Variants in TEK observed in about 807,000 individuals in gnomAD.
TEK encodes TEK receptor tyrosine kinase.
Under a neutral mutation model 131.8 loss-of-function variants are expected in TEK, and 43 were observed. The observed-to-expected ratio is 0.33, with a 90% CI of 0.26 to 0.42. The LOEUF is 0.42. Among genes scored for constraint, TEK ranks in the 10% least tolerant of loss-of-function variants. TEK has a pLI of 1.00. For missense variants in TEK, 1,162 were observed against 1,384.4 expected, an observed-to-expected ratio of 0.84 and a Z score of 2.55; for synonymous variants, 580 against 491.6, an observed-to-expected ratio of 1.18 and a Z score of -2.38.
intron 1 of TEK, among the ~76,000 whole-genome samples, chr9:27,137,388 A>T (rs1026561052): frequency 6.6e-6 from 1 of 152,102 alleles, no homozygotes; most frequent in African/African-American, 2.4e-5. Context: ...GGGATTTTTG[A>T]TTTTTCACAT....
At chr9:27,112,452 T>C (rs1366527766) in intron 1 of TEK, among the ~76,000 whole-genome samples, 2 of 152,122 alleles carry the variant, frequency 1.3e-5, no homozygotes, top group African/African-American at 4.8e-5. Flanking sequence ...CTTCCAAGCA[T>C]TGTCTTTATT....
In TEK at chr9:27,181,835, CATATAA is replaced by C. The variant is rs571325131; in HGVS notation, c.1030+1476_1030+1481del. On this transcript the variant is annotated intron_variant, in intron 7 of 22. Coordinates refer to ENST00000380036, the MANE Select transcript of TEK (RefSeq NM_000459.5). ...AATAAATATGTATTGCTTTTTCAAT[CATATAA>C]ATATAAATGCCATTGAAATAAATAC... is the stretch of plus-strand genomic sequence containing the variant. Among the ~76,000 whole-genome samples, 18 of 152,244 alleles carry C rather than the reference CATATAA, an allele frequency of 1.2e-4. No individual in the cohort carries two copies. In the South Asian group the frequency reaches 3.5e-3, roughly 30 times the overall value.
rs189084243 is a variant in TEK at position 27,127,838 on chromosome 9, G to T, written c.52+18196G>T. Among the ~76,000 whole-genome samples, 117 of 152,234 alleles carry T rather than the reference G, an allele frequency of 7.7e-4. 1 individual carries two copies. In the East Asian group the frequency reaches 0.022, roughly 28 times the overall value. ...TGATGGGGTTGTTTGATTTTTTCTT[G>T]TAAATTTGTTGAAGTTCTTTGTAGA... is the stretch of plus-strand genomic sequence containing the variant. On this transcript the variant is annotated intron_variant, in intron 1 of 22. Transcript: ENST00000380036.
intron 13 of TEK, 106 bp downstream of exon 13, chr9:27,203,225 T>C: frequency 7.8e-7 from 1 of 1,274,500 alleles, no homozygotes; most frequent in Non-Finnish European, 1.1e-6. Flanking sequence ...AAGTCGGTGG[T>C]TGAATGGACA....
chr9:27,147,485 T>C (rs1822972979), intron 1 of TEK, among the ~76,000 whole-genome samples: 1 of 152,116 alleles, frequency 6.6e-6, no homozygotes, highest in Admixed American at 6.6e-5. Flanking sequence ...TGCAAGTCAT[T>C]TGCCAGATAT....
intron 11 of TEK, among the ~76,000 whole-genome samples, chr9:27,194,632 T>C (rs530186423): frequency 6.6e-6 from 1 of 152,174 alleles, no homozygotes; most frequent in East Asian, 1.9e-4. Flanking sequence ...ATGGAAAGTA[T>C]TTATGGAACA....
intron 21 of TEK, among the ~76,000 whole-genome samples, chr9:27,225,272 G>C (rs932135403): frequency 6.6e-6 from 1 of 152,130 alleles, no homozygotes; most frequent in Non-Finnish European, 1.5e-5. Flanking sequence ...AAAAGAGCCT[G>C]CATAGCCAAG....
At chr9:27,168,226 C>A (rs1437568429) in intron 2 of TEK, among the ~76,000 whole-genome samples, 2 of 152,154 alleles carry the variant, frequency 1.3e-5, no homozygotes, top group African/African-American at 2.4e-5. Context: ...ATCTCCCCAA[C>A]CACTGAATAG....
intron 15 of TEK, among the ~76,000 whole-genome samples, chr9:27,207,247 C>A (rs539916152): frequency 4.2e-4 from 64 of 152,290 alleles, no homozygotes; most frequent in Non-Finnish European, 6.8e-4. Context: ...GGTTTGGGGA[C>A]CACATTTTGC....
At position 27,216,751 on chromosome 9, in the gene TEK, C is replaced by T. The variant is rs1009111784; in HGVS notation, c.2992-937C>T. Among the ~76,000 whole-genome samples the T allele has an allele frequency of 1.1e-4, 16 of 152,294 alleles. No individual in the cohort carries two copies. In the South Asian group the frequency reaches 1.9e-3, roughly 18 times the overall value. ...TAGGGCAGGGCTGGTCTCATAAATG[C>T]ATGACCTAGGAGAACACCTGCTCTG... On this transcript the variant is annotated intron_variant, in intron 18 of 22. Coordinates refer to ENST00000380036, the MANE Select transcript of TEK (RefSeq NM_000459.5).
In TEK at chr9:27,202,799, T is replaced by C. The variant is rs192922884; in HGVS notation, c.1910-21T>C. On this transcript the variant is annotated intron_variant, in intron 12 of 22. Transcript: ENST00000380036. ...CATGGTAGTATATCTTAAGTGAATC[T>C]TTTTTCTTTTTAATTTCTAGTTCTT... is the stretch of plus-strand genomic sequence containing the variant. 23 of 1,611,710 alleles carry C rather than the reference T, an allele frequency of 1.4e-5. No individual in the cohort carries two copies. In the African/African-American group the frequency reaches 2.0e-4, roughly 14 times the overall value.
At position 27,205,019 on chromosome 9, in the gene TEK, A is replaced by C; in HGVS notation, c.2318A>C (p.Lys773Thr). 1 of 1,614,078 alleles carries C rather than the reference A, an allele frequency of 6.2e-7. No individual in the cohort carries two copies. The highest frequency in any genetic ancestry group is 8.5e-7 in the Non-Finnish European group (1 of 1,179,940). The change falls in exon 14 of 23, where the codon AAG becomes ACG. Residue 773 changes from lysine to threonine, a missense_variant. Physicochemically the swap from Lys to Thr is moderately conservative, Grantham distance 78. Coordinates refer to ENST00000380036, the MANE Select transcript of TEK (RefSeq NM_000459.5). ...LLAFLIILQL[K>T]RANVQRRMAQ... ...GCCTTTCTGATCATATTGCAATTGA[A>C]GAGGGCAAATGTGCAAAGGAGAATG...
intron 21 of TEK, among the ~76,000 whole-genome samples, chr9:27,224,653 C>T (rs1826235831): frequency 6.6e-6 from 1 of 152,180 alleles, no homozygotes; most frequent in Admixed American, 6.5e-5. Flanking sequence ...CAGTATCACA[C>T]TGAATGGACA....
intron 21 of TEK, among the ~76,000 whole-genome samples, chr9:27,225,590 G>A (rs550154958): frequency 2.0e-5 from 3 of 152,076 alleles, no homozygotes; most frequent in Admixed American, 6.6e-5. Flanking sequence ...AAATTAACTC[G>A]AGATGGATTA....
intron 9 of TEK, among the ~76,000 whole-genome samples, chr9:27,187,894 A>G (rs979714078): frequency 2.6e-5 from 4 of 152,068 alleles, no homozygotes; most frequent in Non-Finnish European, 4.4e-5. Flanking sequence ...ACCCTAATAA[A>G]CTTATTCTAA....
At chr9:27,173,706 A>G (rs12554799) in intron 6 of TEK, among the ~76,000 whole-genome samples, 15,814 of 149,696 alleles carry the variant, frequency 0.11, 948 homozygotes, top group Admixed American at 0.17. Flanking sequence ...TTTGAGTAGG[A>G]AGACCATAGA....
At chr9:27,186,850 C>T (rs528160757) in intron 9 of TEK, among the ~76,000 whole-genome samples, 40 of 152,256 alleles carry the variant, frequency 2.6e-4, no homozygotes, top group African/African-American at 9.6e-4. Flanking sequence ...AGGCCAATAA[C>T]AACAGTAGCG....
chr9:27,136,633 A>C (rs952730508), intron 1 of TEK, among the ~76,000 whole-genome samples: 3 of 152,306 alleles, frequency 2.0e-5, no homozygotes, highest in African/African-American at 7.2e-5. Context: ...GAGTATTGTG[A>C]GTACAACACA....
chr9:27,139,405 G>A (rs965624466), intron 1 of TEK, among the ~76,000 whole-genome samples: 1 of 128,112 alleles, frequency 7.8e-6, no homozygotes. Context: ...TCGGCTCAAT[G>A]CATGCTCCGC....
Sources: allele counts gnomAD v4.1 joint callset (sites outside exome capture counted in the v4.1 genomes callset), GRCh38; gene constraint gnomAD v4.1.1; transcripts MANE v1.5; gene names NCBI Gene and HGNC (gene_info 2026-07-23, HGNC 2026-07-21).